The following HCK variants were observed in gnomAD, a reference collection of about 807,000 sequenced individuals.
The protein encoded by HCK is HCK proto-oncogene, Src family tyrosine kinase.
HCK carries 40 observed loss-of-function variants against 70.4 expected under a neutral mutation model. The ratio of observed to expected loss-of-function variants is 0.57; its 90% CI spans 0.44 to 0.74. The LOEUF is 0.74. HCK is among the 30% of genes least tolerant of loss of function. The probability of loss-of-function intolerance (pLI) is 0.00; values close to 1 mark genes in which losing one functional copy is unlikely to be tolerated. For missense variants in HCK, 568 were observed against 697.2 expected, an observed-to-expected ratio of 0.81 and a Z score of 2.09; for synonymous variants, 245 against 263.2, an observed-to-expected ratio of 0.93 and a Z score of 0.67.
chr20:32,061,196 C>G (rs139900926), intron 1 of HCK, among the ~76,000 whole-genome samples: 1 of 152,286 alleles, frequency 6.6e-6, no homozygotes, highest in Non-Finnish European at 1.5e-5. Context: ...GTTGGCCAGG[C>G]TGGTCTTGAA....
At chr20:32,084,618 CT>C in intron 8 of HCK, 75 bp downstream of exon 8, 1 of 1,384,100 alleles carries the variant, frequency 7.2e-7, no homozygotes, top group Non-Finnish European at 9.9e-7. Context: ...CCAGGAACAC[CT>C]TATGGCAAAG....
chr20:32,094,800 A>G (rs760968939), intron 11 of HCK, among the ~76,000 whole-genome samples: 43 of 22,394 alleles, frequency 1.9e-3, no homozygotes, highest in Admixed American at 2.7e-3. Flanking sequence ...AAAGAAAGAA[A>G]GAAAGAAAGA....
intron 1 of HCK, among the ~76,000 whole-genome samples, chr20:32,059,610 G>A (rs760490096): frequency 4.6e-5 from 7 of 151,668 alleles, no homozygotes; most frequent in Middle Eastern, 3.4e-3. Flanking sequence ...AACCTCCTGC[G>A]CTCAAGCGAT....
intron 1 of HCK, among the ~76,000 whole-genome samples, chr20:32,057,753 C>G (rs530412157): frequency 2.0e-5 from 3 of 152,288 alleles, no homozygotes; most frequent in African/African-American, 7.2e-5. Context: ...CACAAGTCAT[C>G]AAGCAATCAC....
chr20:32,077,630 G>A (rs911410847), intron 5 of HCK, among the ~76,000 whole-genome samples: 1 of 151,754 alleles, frequency 6.6e-6, no homozygotes, highest in African/African-American at 2.4e-5. Flanking sequence ...GGGTTCAAGC[G>A]ATTCTCCTGC....
At chr20:32,091,376 G>A (rs926376617) in intron 10 of HCK, among the ~76,000 whole-genome samples, 1 of 152,190 alleles carries the variant, frequency 6.6e-6, no homozygotes, top group Non-Finnish European at 1.5e-5. Context: ...TGTAAGCTGG[G>A]GCCACTTACC....
At chr20:32,087,832 C>T (rs2045811375) in intron 9 of HCK, among the ~76,000 whole-genome samples, 1 of 152,048 alleles carries the variant, frequency 6.6e-6, no homozygotes, top group East Asian at 1.9e-4. Context: ...TTAGTAGAGA[C>T]GGTGTTTCAC....
intron 5 of HCK, among the ~76,000 whole-genome samples, 192 bp downstream of exon 5, chr20:32,074,913 A>G (rs1375046732): frequency 6.6e-6 from 1 of 152,138 alleles, no homozygotes; most frequent in Non-Finnish European, 1.5e-5. Context: ...AGTGGGTCCC[A>G]GCTGTGACTC....
At chr20:32,063,234 G>C (rs1268556482) in intron 1 of HCK, among the ~76,000 whole-genome samples, 1 of 152,168 alleles carries the variant, frequency 6.6e-6, no homozygotes, top group Admixed American at 6.5e-5. Flanking sequence ...ACACGAATGT[G>C]TATGGGGGGC....
intron 6 of HCK, 81 bp from the exon 7 acceptor site, chr20:32,083,813 C>A: frequency 6.5e-7 from 1 of 1,536,524 alleles, no homozygotes; most frequent in Non-Finnish European, 9.0e-7. Flanking sequence ...CAGCGGTAGC[C>A]TTACAGGGTG....
chr20:32,071,690 C>T lies in HCK; in HGVS notation c.91C>T (p.Gln31Ter). The T allele has an allele frequency of 1.2e-6, 2 of 1,614,152 alleles. No homozygotes were observed. Among genetic ancestry groups the T allele is most frequent in the Non-Finnish European group, 1.7e-6 (2 of 1,179,996 alleles). ...GGGGTGCATGAAGTCCAAGTTCCTCCAGGTCGGAGGCAATACATTCTCAAA... is the reference window on the plus strand; with the variant it reads ...GGGGTGCATGAAGTCCAAGTTCCTCTAGGTCGGAGGCAATACATTCTCAAA... The change falls in exon 2 of 13, where the codon CAG becomes TAG. Residue 31 changes from glutamine (Q) to a stop codon, truncating the protein, a stop_gained. Transcript: ENST00000375852. LOFTEE classifies it high-confidence loss of function.
Position 32,079,761 on chromosome 20 carries a change from C to T in HCK, c.429-13C>T. The T allele has an allele frequency of 6.2e-7, 1 of 1,601,440 alleles. No individual in the cohort carries two copies. On this transcript the variant is annotated splice_polypyrimidine_tract_variant and intron_variant, in intron 5 of 12. Transcript: ENST00000375852. Reference sequence around the variant, plus strand: ...ACCCCAGGTTCACATTTGTCCCCTCCCTTTTCCATCAGGTGGTTTTTCAAG... The same window carrying T: ...ACCCCAGGTTCACATTTGTCCCCTCTCTTTTCCATCAGGTGGTTTTTCAAG...
chr20:32,086,775 C>T lies in HCK; in HGVS notation c.983C>T (p.Pro328Leu), dbSNP rs2045794111. 6.3e-7 allele frequency: 1 copy of T among 1,594,528 alleles called. No homozygotes were observed. Among genetic ancestry groups the T allele is most frequent in the Non-Finnish European group, 8.5e-7 (1 of 1,169,888 alleles). Residue 328 changes from proline to leucine, a missense_variant, in exon 9 of 13, where the codon CCC (proline) becomes CTC (leucine). Physicochemically the swap from Pro to Leu is moderately conservative, Grantham distance 98. Coordinates refer to ENST00000375852, the MANE Select transcript of HCK (RefSeq NM_002110.5). The stretch of plus-strand genomic sequence containing the variant: ...CTTCATGCGGTGGTCACCAAGGAGC[C>T]CATCTACATCATCACGGAGTTCATG...
intron 1 of HCK, among the ~76,000 whole-genome samples, chr20:32,057,681 T>C (rs1284772643): frequency 6.6e-6 from 1 of 152,150 alleles, no homozygotes; most frequent in Non-Finnish European, 1.5e-5. Context: ...AGTAGCACAA[T>C]CTCTCTCAGC....
At chr20:32,094,756 A>G (rs867428570) in intron 11 of HCK, among the ~76,000 whole-genome samples, 65 of 126,228 alleles carry the variant, frequency 5.1e-4, no homozygotes, top group Middle Eastern at 4.0e-3. Context: ...AAAGAAAGAA[A>G]GAAAGAAGGA....
intron 11 of HCK, 73 bp from the exon 12 acceptor site, chr20:32,098,931 T>C: frequency 6.5e-7 from 1 of 1,541,940 alleles, no homozygotes; most frequent in Non-Finnish European, 8.9e-7. Flanking sequence ...CCCTTGCCTG[T>C]TCCCCCACCT....
chr20:32,081,766 G>A (rs1270980034), intron 6 of HCK, among the ~76,000 whole-genome samples: 2 of 152,194 alleles, frequency 1.3e-5, no homozygotes, highest in East Asian at 1.9e-4. Context: ...ACAGCCCAGC[G>A]CTTCTCCTCT....
At chr20:32,078,799 G>T (rs184238085) in intron 5 of HCK, among the ~76,000 whole-genome samples, 223 of 138,778 alleles carry the variant, frequency 1.6e-3, no homozygotes, top group African/African-American at 5.5e-3. Flanking sequence ...AGAGGTTTCA[G>T]TGAGCCCAGA....
In HCK at chr20:32,057,325, G is replaced by A. The variant is rs181532658; in HGVS notation, c.62+4839G>A. ...ATAGAAAAGGAACATGAAGGGCTGG[G>A]TGCGGTGGCTCACCCTGTAATCCCA... On this transcript the variant is annotated intron_variant, in intron 1 of 12. Transcript: ENST00000375852. 1.1e-4 allele frequency among the ~76,000 whole-genome samples: 16 copies of A among 152,350 alleles called. No homozygotes were observed. In the East Asian group the frequency reaches 2.9e-3, roughly 28 times the overall value.
Sources: allele counts gnomAD v4.1 joint callset (sites outside exome capture counted in the v4.1 genomes callset), GRCh38; gene constraint gnomAD v4.1.1; transcripts MANE v1.5; gene names NCBI Gene and HGNC (gene_info 2026-07-23, HGNC 2026-07-21).